MTHFD2L: variants seen among roughly 807,000 people sequenced by gnomAD.
MTHFD2L encodes the protein bifunctional methylenetetrahydrofolate dehydrogenase/cyclohydrolase 2, mitochondrial.
Under a neutral mutation model 34.9 loss-of-function variants are expected in MTHFD2L, and 29 were observed. That is an observed-to-expected ratio of 0.83 (90% CI 0.62 to 1.13). The LOEUF is 1.13. Among genes scored for constraint, MTHFD2L ranks in the 50% most tolerant of loss-of-function variants. MTHFD2L has a pLI of 0.00. For missense variants in MTHFD2L, 481 were observed against 446.5 expected, an observed-to-expected ratio of 1.08 and a Z score of -0.70; for synonymous variants, 167 against 155.7, an observed-to-expected ratio of 1.07 and a Z score of -0.54.
chr4:74,193,660 C>T (rs1234437221), intron 3 of MTHFD2L, among the ~76,000 whole-genome samples: 1 of 152,072 alleles, frequency 6.6e-6, no homozygotes, highest in Non-Finnish European at 1.5e-5. Context: ...CAATTTACTC[C>T]TAAGCATTTT....
chr4:74,263,171 C>G (rs1224311049), intron 6 of MTHFD2L, among the ~76,000 whole-genome samples: 2 of 151,886 alleles, frequency 1.3e-5, no homozygotes, highest in Non-Finnish European at 2.9e-5. Context: ...GTTCTCTATT[C>G]TGTTCCATTG....
chr4:74,221,678 C>T (rs1281477636), intron 5 of MTHFD2L, among the ~76,000 whole-genome samples: 3 of 151,662 alleles, frequency 2.0e-5, no homozygotes, highest in Admixed American at 6.6e-5. Context: ...TTAGATTTTG[C>T]TTTGTAAGTC....
chr4:74,284,671 G>GA lies in MTHFD2L; in HGVS notation c.931+3123dup, dbSNP rs537720542. On this transcript the variant is annotated intron_variant, in intron 7 of 7. Coordinates refer to ENST00000325278, the MANE Select transcript of MTHFD2L (RefSeq NM_001144978.3). ...TGATGGGAGTTTCTTTTGCTGTGCAGAAGCTCTAAAAATCAGGAAACAACA... is the reference window on the plus strand; with the variant it reads ...TGATGGGAGTTTCTTTTGCTGTGCAGAAAGCTCTAAAAATCAGGAAACAACA... 4.0e-4 allele frequency among the ~76,000 whole-genome samples: 61 copies of GA among 152,088 alleles called. No homozygotes were observed. In the Middle Eastern group the frequency reaches 0.01, roughly 25 times the overall value.
chr4:74,291,687 T>C (rs1264532670), intron 7 of MTHFD2L, among the ~76,000 whole-genome samples: 2 of 152,212 alleles, frequency 1.3e-5, no homozygotes, highest in South Asian at 4.1e-4. Flanking sequence ...ATTTGGAAAG[T>C]AGTTTGGCAC....
intron 1 of MTHFD2L, among the ~76,000 whole-genome samples, chr4:74,125,964 A>G (rs1435039796): frequency 6.6e-6 from 1 of 152,182 alleles, no homozygotes; most frequent in African/African-American, 2.4e-5. Context: ...TTGGATACCC[A>G]CCCATATCAT....
chr4:74,247,317 A>G (rs553320783), intron 6 of MTHFD2L, among the ~76,000 whole-genome samples: 252 of 151,694 alleles, frequency 1.7e-3, no homozygotes, highest in African/African-American at 5.6e-3. Flanking sequence ...TGTGATTTTT[A>G]TACATTGATT....
At chr4:74,235,408 G>A (rs1740699411) in intron 6 of MTHFD2L, among the ~76,000 whole-genome samples, 2 of 152,268 alleles carry the variant, frequency 1.3e-5, no homozygotes, top group Admixed American at 6.5e-5. Flanking sequence ...CAAAGTTTGA[G>A]AGAAGTAAAG....
intron 4 of MTHFD2L, among the ~76,000 whole-genome samples, 180 bp downstream of exon 4, chr4:74,200,126 C>T (rs551041593): frequency 2.7e-4 from 41 of 152,142 alleles, no homozygotes; most frequent in Admixed American, 3.3e-4. Flanking sequence ...TCCTGGCTAA[C>T]ACAGTAAAAC....
intron 3 of MTHFD2L, among the ~76,000 whole-genome samples, chr4:74,176,400 C>T (rs867291397): frequency 2.0e-5 from 3 of 152,074 alleles, no homozygotes; most frequent in Non-Finnish European, 4.4e-5. Flanking sequence ...AGATCTTCTA[C>T]TTACATCCAG....
intron 6 of MTHFD2L, among the ~76,000 whole-genome samples, chr4:74,251,495 C>A (rs1206779971): frequency 6.6e-6 from 1 of 152,198 alleles, no homozygotes; most frequent in Non-Finnish European, 1.5e-5. Context: ...CTTCCTAAAT[C>A]TTTCCAAGTT....
At chr4:74,158,081 G>A (rs536918980), upstream of MTHFD2L, 3 of 1,531,792 alleles carry the variant, frequency 2.0e-6, no homozygotes, top group East Asian at 2.5e-5. Context: ...GCCTCCAGCC[G>A]CGAGGACTGG....
intron 5 of MTHFD2L, among the ~76,000 whole-genome samples, chr4:74,202,879 C>T (rs546664358): frequency 6.6e-6 from 1 of 152,240 alleles, no homozygotes; most frequent in South Asian, 2.1e-4. Flanking sequence ...CGCACACATG[C>T]ACACATGCAT....
rs200460414 is a variant in MTHFD2L at position 74,238,056 on chromosome 4, TATTA to T, written c.805+12666_805+12669del. Reference sequence around the variant, plus strand: ...ACAATTTTATTAGATCTATAGTCATTATTAATTGTGTCATTTTAATAGCATCAGC... The same window carrying T: ...ACAATTTTATTAGATCTATAGTCATTATTGTGTCATTTTAATAGCATCAGC... On this transcript the variant is annotated intron_variant, in intron 6 of 7. Coordinates refer to ENST00000325278, the MANE Select transcript of MTHFD2L (RefSeq NM_001144978.3). 1.7e-3 allele frequency among the ~76,000 whole-genome samples: 254 copies of T among 152,288 alleles called. 1 individual carries two copies. The East Asian group carries it at 0.028, about 17-fold the overall frequency.
In MTHFD2L at chr4:74,143,374, C is replaced by A. The variant is rs571615063; in HGVS notation, c.-296-16681C>A. On this transcript the variant is annotated intron_variant, in intron 1 of 7. Coordinates refer to the MTHFD2L transcript ENST00000433372. Reference sequence around the variant, plus strand: ...TACTCTTTGAGAAAAATATTTGTGACCTTATTCTTTTTGTCTAGGCTGGTG... The same window carrying A: ...TACTCTTTGAGAAAAATATTTGTGAACTTATTCTTTTTGTCTAGGCTGGTG... 13 of 980,350 alleles carry A rather than the reference C, an allele frequency of 1.3e-5. No homozygotes were observed. In the South Asian group the frequency reaches 1.9e-4, roughly 14 times the overall value. The allele number at this position is 980,350 out of a possible 1,614,324, so 60.7% of individuals were successfully genotyped here. A position where few individuals can be genotyped will look rare whatever the true frequency, so the allele number is the denominator to read the frequency against.
chr4:74,232,320 T>C (rs1316595026), intron 6 of MTHFD2L, among the ~76,000 whole-genome samples: 2 of 152,154 alleles, frequency 1.3e-5, no homozygotes, highest in Admixed American at 1.3e-4. Context: ...AATTCCTTAT[T>C]GCCTCTCCCT....
chr4:74,281,816 T>G (rs990141530), intron 7 of MTHFD2L, among the ~76,000 whole-genome samples: 8 of 152,054 alleles, frequency 5.3e-5, no homozygotes, highest in African/African-American at 1.7e-4. Flanking sequence ...AAATTTCTTA[T>G]AGTACAGTTT....
intron 6 of MTHFD2L, 71 bp downstream of exon 6, chr4:74,225,465 G>A (rs991631736): frequency 2.6e-5 from 32 of 1,252,388 alleles, no homozygotes; most frequent in Middle Eastern, 1.9e-4. Context: ...ATGCTGACAT[G>A]TTTGAAAGCT....
chr4:74,176,012 C>T (rs1270129402), intron 3 of MTHFD2L, among the ~76,000 whole-genome samples: 1 of 151,924 alleles, frequency 6.6e-6, no homozygotes, highest in Non-Finnish European at 1.5e-5. Flanking sequence ...AGATTAGCTC[C>T]CAGTATTTTG....
intron 7 of MTHFD2L, among the ~76,000 whole-genome samples, chr4:74,286,873 G>A (rs372807325): frequency 1.3e-5 from 2 of 152,042 alleles, no homozygotes; most frequent in South Asian, 2.1e-4. Context: ...CTAAAACAAG[G>A]AATGAAACAG....
Sources: allele counts gnomAD v4.1 joint callset (sites outside exome capture counted in the v4.1 genomes callset), GRCh38; gene constraint gnomAD v4.1.1; transcripts MANE v1.5; gene names NCBI Gene and HGNC (gene_info 2026-07-23, HGNC 2026-07-21).